The following KCNK2 variants were observed in gnomAD, a reference collection of about 807,000 sequenced individuals.
The protein encoded by KCNK2 is potassium two pore domain channel subfamily K member 2.
A neutral mutation model predicts 40.5 loss-of-function variants in KCNK2; 21 were observed. That is an observed-to-expected ratio of 0.52 (90% CI 0.37 to 0.75). The LOEUF is 0.75. KCNK2 is among the 30% of genes least tolerant of loss of function. KCNK2 has a pLI of 0.00. For missense variants in KCNK2, 399 were observed against 531.6 expected, an observed-to-expected ratio of 0.75 and a Z score of 2.45; for synonymous variants, 191 against 202.2, an observed-to-expected ratio of 0.94 and a Z score of 0.47.
At chr1:215,077,416 A>G (rs1658983164) in intron 1 of KCNK2, among the ~76,000 whole-genome samples, 2 of 152,156 alleles carry the variant, frequency 1.3e-5, no homozygotes, top group Admixed American at 1.3e-4. Context: ...CAACTCTCCA[A>G]TCTACTCCCA....
intron 3 of KCNK2, among the ~76,000 whole-genome samples, chr1:215,138,833 C>G (rs1571655523): frequency 1.3e-5 from 2 of 152,128 alleles, no homozygotes; most frequent in African/African-American, 4.8e-5. Context: ...TACAGTATTT[C>G]CTGGCTGACT....
At chr1:215,007,183 GGGTATATATATATATATATATATATA>G (rs1222487191) in intron 1 of KCNK2, among the ~76,000 whole-genome samples, 4 of 83,614 alleles carry the variant, frequency 4.8e-5, no homozygotes, top group African/African-American at 2.0e-4. Flanking sequence ...GTATGTGTGT[GGGTATATATATATATATATATATATA>G]TATATATATA....
chr1:215,050,946 A>T (rs539436386), intron 1 of KCNK2, among the ~76,000 whole-genome samples: 3 of 152,294 alleles, frequency 2.0e-5, no homozygotes, highest in African/African-American at 7.2e-5. Context: ...GGGGCTTATT[A>T]TTGGATTTGA....
intron 6 of KCNK2, among the ~76,000 whole-genome samples, chr1:215,225,179 A>G (rs990997490): frequency 1.3e-5 from 2 of 152,178 alleles, no homozygotes; most frequent in South Asian, 2.1e-4. Flanking sequence ...TGTACTTTGT[A>G]TATCATGATA....
chr1:215,230,753 C>T (rs1666627768), intron 6 of KCNK2, among the ~76,000 whole-genome samples: 1 of 151,470 alleles, frequency 6.6e-6, no homozygotes, highest in Admixed American at 6.6e-5. Context: ...GGTGAGGCTC[C>T]CATTCATCCC....
At chr1:215,230,368 T>C (rs1330159427) in intron 6 of KCNK2, among the ~76,000 whole-genome samples, 1 of 149,584 alleles carries the variant, frequency 6.7e-6, no homozygotes, top group Non-Finnish European at 1.5e-5. Flanking sequence ...TATCTAAACA[T>C]ACCTAAATAT....
intron 6 of KCNK2, among the ~76,000 whole-genome samples, chr1:215,221,296 C>T (rs2102700178): frequency 6.6e-6 from 1 of 152,278 alleles, no homozygotes; most frequent in Admixed American, 6.5e-5. Context: ...GTTGCTTGAA[C>T]TGGGGAAGCG....
intron 5 of KCNK2, among the ~76,000 whole-genome samples, chr1:215,172,751 G>A (rs964170840): frequency 6.6e-6 from 1 of 151,954 alleles, no homozygotes; most frequent in Non-Finnish European, 1.5e-5. Flanking sequence ...CTGCCTCCTG[G>A]GTTCGAGTGA....
chr1:215,225,382 A>C (rs1214998850), intron 6 of KCNK2, among the ~76,000 whole-genome samples: 1 of 152,220 alleles, frequency 6.6e-6, no homozygotes, highest in African/African-American at 2.4e-5. Context: ...CTCAAAGAAT[A>C]TCTTCTTACA....
At chr1:215,024,880 C>T (rs1290916593) in intron 1 of KCNK2, among the ~76,000 whole-genome samples, 1 of 151,720 alleles carries the variant, frequency 6.6e-6, no homozygotes, top group African/African-American at 2.4e-5. Flanking sequence ...GACTAAACTA[C>T]ATCTTTCTTC....
chr1:215,187,958 G>T lies in KCNK2; in HGVS notation c.824-6995G>T, dbSNP rs547228222. ...GTGAAAGAGTGAAAAAACCAGAGAA[G>T]AATTTATAGTTTCACAAAGCAGTGT... On this transcript the variant is annotated intron_variant, in intron 5 of 6. Coordinates refer to ENST00000444842, the MANE Select transcript of KCNK2 (RefSeq NM_001017425.3). Among the ~76,000 whole-genome samples, 4 of 151,890 alleles carry T rather than the reference G, an allele frequency of 2.6e-5. No individual in the cohort carries two copies. In the South Asian group the frequency reaches 8.3e-4, roughly 32 times the overall value.
intron 1 of KCNK2, among the ~76,000 whole-genome samples, chr1:215,044,856 T>C: frequency 6.7e-6 from 1 of 149,302 alleles, no homozygotes; most frequent in South Asian, 2.1e-4. Flanking sequence ...GATGACGAGT[T>C]GGCAAGAATT....
chr1:215,055,250 G>A lies in KCNK2; in HGVS notation c.35-31118G>A, dbSNP rs369046664. Among the ~76,000 whole-genome samples the A allele has an allele frequency of 9.8e-4, 149 of 152,276 alleles. 5 individuals carry two copies. The South Asian group carries it at 0.031, about 31-fold the overall frequency. ...CTGTTCATGGCACCTTTACACGAGTGTCTTTTATGTCCCAATCACTGTTTG... is the reference window on the plus strand; with the variant it reads ...CTGTTCATGGCACCTTTACACGAGTATCTTTTATGTCCCAATCACTGTTTG... On this transcript the variant is annotated intron_variant, in intron 1 of 6. Transcript: ENST00000391895.
intron 2 of KCNK2, among the ~76,000 whole-genome samples, chr1:215,119,472 T>TAA (rs925402309): frequency 2.6e-4 from 39 of 152,312 alleles, no homozygotes; most frequent in African/African-American, 9.1e-4. Context: ...CCTAGAGCTC[T>TAA]ATTTCTTAAG....
At chr1:215,120,293 C>T (rs1264422492) in intron 2 of KCNK2, among the ~76,000 whole-genome samples, 1 of 152,054 alleles carries the variant, frequency 6.6e-6, no homozygotes. Context: ...AAATCAATTG[C>T]TATAGTCAAT....
intron 1 of KCNK2, among the ~76,000 whole-genome samples, chr1:215,007,113 GTATA>G (rs1390432184): frequency 5.9e-5 from 7 of 119,522 alleles, no homozygotes; most frequent in Non-Finnish European, 1.2e-4. Flanking sequence ...ATATATGTGT[GTATA>G]TATGTATATA....
At chr1:215,101,615 A>G (rs1447570231) in intron 2 of KCNK2, among the ~76,000 whole-genome samples, 1 of 151,982 alleles carries the variant, frequency 6.6e-6, no homozygotes, top group Non-Finnish European at 1.5e-5. Flanking sequence ...CAAATGGAAA[A>G]TTTCAAAAGA....
Position 215,171,901 on chromosome 1 carries a change from T to C in KCNK2, c.637-96T>C, listed in dbSNP as rs886269066. 15 of 850,146 alleles carry C rather than the reference T, an allele frequency of 1.8e-5. No individual in the cohort carries two copies. The African/African-American group carries it at 2.9e-4, about 16-fold the overall frequency. 52.7% of individuals were successfully genotyped at this position (850,146 alleles called of 1,614,324 possible). On this transcript the variant is annotated intron_variant, in intron 4 of 6. Coordinates refer to ENST00000444842, the MANE Select transcript of KCNK2 (RefSeq NM_001017425.3). ...GTTAACTTTGTGGGTATACAAGTAA[T>C]TTCTCTCTCTCTCTCTTTGTCTCTC...
Position 215,230,501 on chromosome 1 carries a change from A to ACG in KCNK2, c.964-4326_964-4325dup, listed in dbSNP as rs1553276472. ...TATACACACACACACACACACACAC[A>ACG]CGGCTGTATATATATATATATATAT... On this transcript the variant is annotated intron_variant, in intron 6 of 6. Transcript: ENST00000444842. 4.5e-3 allele frequency among the ~76,000 whole-genome samples: 468 copies of ACG among 105,148 alleles called. 10 individuals are homozygous for ACG. The highest frequency in any genetic ancestry group is 0.019 in the African/African-American group (457 of 24,358). The allele number at this position is 105,148 out of a possible 152,430, so 69.0% of individuals were successfully genotyped here. A position where few individuals can be genotyped will look rare whatever the true frequency, so the allele number is the denominator to read the frequency against.
Sources: gnomAD v4.1 joint callset for allele counts (sites outside exome capture counted in the v4.1 genomes callset) on GRCh38, gnomAD v4.1.1 for gene constraint, MANE v1.5 for transcripts, NCBI Gene and HGNC (gene_info 2026-07-23, HGNC 2026-07-21) for gene names.